The following TBC1D32 variants were observed in gnomAD, a reference collection of about 807,000 sequenced individuals.
The protein encoded by TBC1D32 is TBC1 domain family member 32.
TBC1D32 carries 151 observed loss-of-function variants against 170.3 expected under a neutral mutation model. The observed-to-expected ratio is 0.89, with a 90% CI of 0.78 to 1.01. The LOEUF (loss-of-function observed/expected upper bound fraction) is 1.01, where lower values mean the gene tolerates loss of function less well. TBC1D32 is among the 50% of genes least tolerant of loss of function. The pLI is 0.00. For missense variants in TBC1D32, 1,464 were observed against 1,457.1 expected (o/e 1.00, Z -0.08); for synonymous variants, 498 against 488.0 (o/e 1.02, Z -0.27).
Position 121,279,151 on chromosome 6 carries a change from T to C in TBC1D32, c.1703A>G (p.Tyr568Cys). Residue 568 changes from tyrosine (Y) to cysteine (C), a missense_variant, in exon 15 of 32, where the codon TAT (tyrosine) becomes TGT (cysteine). Around this residue, in one of 3 missense-constraint regions of TBC1D32, gnomAD observed 1,363 missense variants for 1,338.1 expected, o/e 1.02. Coordinates refer to ENST00000398212, the MANE Select transcript of TBC1D32 (RefSeq NM_152730.6). Reference sequence around the variant, plus strand: ...TTCAGAAGAGTTCATATTTGCTCCATAAAGGAGTAAAATAAGCCCTTCTTC... The same window carrying C: ...TTCAGAAGAGTTCATATTTGCTCCACAAAGGAGTAAAATAAGCCCTTCTTC... ...SVEEGLILLL[Y>C]GANMNSSEES... 9.9e-6 allele frequency: 16 copies of C among 1,610,122 alleles called. No homozygotes were observed. Among genetic ancestry groups the C allele is most frequent in the East Asian group, 2.2e-5 (1 of 44,700 alleles).
chr6:121,325,040 G>A (rs111341942), intron 1 of TBC1D32, among the ~76,000 whole-genome samples: 5 of 151,802 alleles, frequency 3.3e-5, no homozygotes, highest in Non-Finnish European at 5.9e-5. Flanking sequence ...TGAAACCCCA[G>A]CTCTACTAAA....
intron 22 of TBC1D32, among the ~76,000 whole-genome samples, chr6:121,191,030 A>T (rs536924646): frequency 2.6e-5 from 2 of 77,000 alleles, no homozygotes; most frequent in South Asian, 1.2e-3. Flanking sequence ...AAGCAAATAC[A>T]ATGTGTGTAT....
intron 25 of TBC1D32, among the ~76,000 whole-genome samples, chr6:121,130,746 C>G (rs991263693): frequency 6.6e-6 from 1 of 151,974 alleles, no homozygotes; most frequent in Non-Finnish European, 1.5e-5. Context: ...ATTTGTTGTG[C>G]AAATTAAGAG....
intron 30 of TBC1D32, among the ~76,000 whole-genome samples, chr6:121,103,301 A>G (rs1002054910): frequency 9.9e-5 from 15 of 152,084 alleles, no homozygotes; most frequent in African/African-American, 3.4e-4. Flanking sequence ...TTATAGCGAC[A>G]CTATTCACAA....
At chr6:121,089,334 C>T (rs547574922) in intron 31 of TBC1D32, among the ~76,000 whole-genome samples, 8 of 152,100 alleles carry the variant, frequency 5.3e-5, no homozygotes, top group African/African-American at 1.9e-4. Context: ...GTGATAAAAA[C>T]TGTGAGAAAA....
intron 1 of TBC1D32, among the ~76,000 whole-genome samples, chr6:121,331,639 C>A (rs1393730683): frequency 6.6e-6 from 1 of 152,074 alleles, no homozygotes; most frequent in African/African-American, 2.4e-5. Context: ...CTGAAATAAA[C>A]ACTTTGGAAA....
At chr6:121,140,813 GAAT>G (rs1334092298) in intron 24 of TBC1D32, among the ~76,000 whole-genome samples, 4 of 152,066 alleles carry the variant, frequency 2.6e-5, no homozygotes, top group African/African-American at 7.2e-5. Context: ...TCTACTTCAT[GAAT>G]AATATATATG....
chr6:121,128,791 T>A (rs927392048), intron 25 of TBC1D32, among the ~76,000 whole-genome samples: 7 of 152,330 alleles, frequency 4.6e-5, no homozygotes, highest in Admixed American at 3.3e-4. Context: ...ACTTTCTCCT[T>A]GGGCTTTGCC....
At chr6:121,305,026 T>C (rs1807115320) in intron 5 of TBC1D32, among the ~76,000 whole-genome samples, 193 bp from the exon 6 acceptor site, 1 of 152,036 alleles carries the variant, frequency 6.6e-6, no homozygotes, top group Non-Finnish European at 1.5e-5. Flanking sequence ...CCAAAACTAA[T>C]ATGTGAATCT....
Position 121,283,907 on chromosome 6 carries a change from A to C in TBC1D32, c.1376T>G (p.Leu459Trp), listed in dbSNP as rs755247543. 2.0e-5 allele frequency: 31 copies of C among 1,583,402 alleles called. No homozygotes were observed. Among genetic ancestry groups the C allele is most frequent in the Non-Finnish European group, 2.6e-5 (30 of 1,160,364 alleles). Reference protein sequence around the residue: ...FPIKLKNKKGLVSLIDLLVLF... With the variant: ...FPIKLKNKKGWVSLIDLLVLF... ...AACAAGCAGATCTATGAGGGATACCAAACCTTTAAAAAGAAAATAAAGAGA... is the reference window on the plus strand; with the variant it reads ...AACAAGCAGATCTATGAGGGATACCCAACCTTTAAAAAGAAAATAAAGAGA... The change falls in exon 13 of 32, where the codon TTG becomes TGG. Residue 459 changes from leucine (L) to tryptophan (W), a missense_variant. Transcript: ENST00000398212.
At chr6:121,212,935 A>C (rs1793276494) in intron 21 of TBC1D32, among the ~76,000 whole-genome samples, 1 of 152,212 alleles carries the variant, frequency 6.6e-6, no homozygotes, top group Non-Finnish European at 1.5e-5. Flanking sequence ...CATAAACAGG[A>C]CTAAAGACAA....
At chr6:121,286,380 C>G (rs149710767) in intron 12 of TBC1D32, among the ~76,000 whole-genome samples, 1 of 151,824 alleles carries the variant, frequency 6.6e-6, no homozygotes, top group African/African-American at 2.4e-5. Flanking sequence ...CTGGAAGAAA[C>G]GGTATCAGTG....
intron 22 of TBC1D32, among the ~76,000 whole-genome samples, chr6:121,178,780 A>G (rs1044839287): frequency 6.6e-6 from 1 of 152,196 alleles, no homozygotes; most frequent in Admixed American, 6.5e-5. Context: ...GTTGAGGGCA[A>G]CTTTCAATAG....
intron 29 of TBC1D32, among the ~76,000 whole-genome samples, chr6:121,110,664 G>A (rs548419148): frequency 1.3e-5 from 2 of 152,084 alleles, no homozygotes; most frequent in African/African-American, 4.8e-5. Context: ...TTGAGACAAT[G>A]GAACAAATGA....
intron 26 of TBC1D32, among the ~76,000 whole-genome samples, chr6:121,116,495 A>G (rs1037704323): frequency 6.6e-6 from 1 of 152,182 alleles, no homozygotes; most frequent in Non-Finnish European, 1.5e-5. Flanking sequence ...ATTTAAGTTG[A>G]ACCTTAACAT....
At chr6:121,184,392 C>A (rs1311211973) in intron 22 of TBC1D32, among the ~76,000 whole-genome samples, 1 of 151,638 alleles carries the variant, frequency 6.6e-6, no homozygotes, top group African/African-American at 2.4e-5. Context: ...GTTCTAGTAG[C>A]CTAGAATCAC....
At chr6:121,155,104 T>G (rs1309015390) in intron 24 of TBC1D32, among the ~76,000 whole-genome samples, 1 of 152,212 alleles carries the variant, frequency 6.6e-6, no homozygotes, top group Non-Finnish European at 1.5e-5. Context: ...TATGGCCATT[T>G]TAACAATATT....
At chr6:121,238,237 A>T (rs577062803) in intron 20 of TBC1D32, among the ~76,000 whole-genome samples, 1 of 152,118 alleles carries the variant, frequency 6.6e-6, no homozygotes, top group Non-Finnish European at 1.5e-5. Context: ...GTGGAGCACA[A>T]ATTTTCTACC....
At chr6:121,231,941 T>C (rs1187534617) in intron 20 of TBC1D32, among the ~76,000 whole-genome samples, 2 of 152,178 alleles carry the variant, frequency 1.3e-5, no homozygotes, top group Admixed American at 1.3e-4. Flanking sequence ...CATCTATTTA[T>C]CTTTGTTTTT....
Sources: allele counts gnomAD v4.1 joint callset (sites outside exome capture counted in the v4.1 genomes callset), GRCh38; gene constraint gnomAD v4.1.1; regional missense constraint gnomAD v4.1.1; transcripts MANE v1.5; gene names NCBI Gene and HGNC (gene_info 2026-07-23, HGNC 2026-07-21).